Variants in FAT2 observed in about 807,000 individuals in gnomAD.
FAT2 encodes the protein FAT atypical cadherin 2.
In FAT2, 150 loss-of-function variants were observed where a neutral mutation model predicts 295.3. The ratio of observed to expected loss-of-function variants is 0.51; its 90% CI spans 0.44 to 0.58. FAT2 has a LOEUF of 0.58. Ranked by LOEUF, FAT2 falls within the 20% of genes least tolerant of loss-of-function variation. The pLI is 0.00. For synonymous variants in FAT2, 2,026 were observed against 2,150.3 expected, an observed-to-expected ratio of 0.94 and a Z score of 1.60; for missense variants, 4,868 against 5,442.7, an observed-to-expected ratio of 0.89 and a Z score of 3.32.
chr5:151,551,976 G>GGGGTGTGTGT (rs1554131128), intron 6 of FAT2, among the ~76,000 whole-genome samples: 36 of 143,648 alleles, frequency 2.5e-4, no homozygotes, highest in East Asian at 1.4e-3. Flanking sequence ...TAACCCTAAG[G>GGGGTGTGTGT]GTGTGTGTGT....
intron 9 of FAT2, among the ~76,000 whole-genome samples, chr5:151,547,014 A>G (rs751369236): frequency 6.6e-6 from 1 of 152,108 alleles, no homozygotes; most frequent in Admixed American, 6.5e-5. Context: ...AATTTTTTCA[A>G]TATCCATCCA....
chr5:151,574,020 C>T (rs929108364), intron 1 of FAT2, among the ~76,000 whole-genome samples: 10 of 152,144 alleles, frequency 6.6e-5, no homozygotes, highest in African/African-American at 1.9e-4. Flanking sequence ...CCAACTCATA[C>T]GGGCATGGTT....
chr5:151,557,912 C>T (rs1436159783), intron 3 of FAT2, among the ~76,000 whole-genome samples: 2 of 152,208 alleles, frequency 1.3e-5, no homozygotes, highest in Non-Finnish European at 2.9e-5. Flanking sequence ...TCCTATGGCC[C>T]TGCCAACCCC....
At chr5:151,581,531 G>T (rs375686380) in intron 1 of FAT2, among the ~76,000 whole-genome samples, 22 of 152,216 alleles carry the variant, frequency 1.4e-4, no homozygotes, top group African/African-American at 5.1e-4. Flanking sequence ...TTGCAGAGGC[G>T]CATGCAGCTG....
chr5:151,519,559 T>C (rs552869961), intron 19 of FAT2, among the ~76,000 whole-genome samples: 3 of 152,288 alleles, frequency 2.0e-5, no homozygotes, highest in Admixed American at 6.5e-5. Flanking sequence ...CGTGGAAATA[T>C]GTATTTTAAA....
chr5:151,512,446 G>A lies in FAT2; in HGVS notation c.11624C>T (p.Ser3875Phe). The A allele has an allele frequency of 6.2e-7, 1 of 1,614,250 alleles. No individual in the cohort carries two copies. The highest frequency in any genetic ancestry group is 8.5e-7 in the Non-Finnish European group (1 of 1,180,048). The change falls in exon 21 of 24, where the codon TCC (serine) becomes TTC (phenylalanine). Residue 3875 changes from serine to phenylalanine, a missense_variant. Transcript: ENST00000261800. This position sits in a 1 kb window ranked among gnomAD's most constrained non-coding sequence, Gnocchi z 4.1. ...RLMVDSMGNT[S>F]LVVPENCRGL... ...ACGGCAGTTCTCTGGGACCACAAGG[G>A]AGGTGTTGCCCATGCTGTCAACCAT...
chr5:151,574,947 A>T (rs1387064578), intron 1 of FAT2, among the ~76,000 whole-genome samples: 1 of 152,232 alleles, frequency 6.6e-6, no homozygotes, highest in Non-Finnish European at 1.5e-5. Flanking sequence ...TGTAAAATGG[A>T]GATAATAATA....
At chr5:151,521,211 T>C (rs1054015753) in intron 19 of FAT2, 65 bp downstream of exon 19, 3 of 1,496,702 alleles carry the variant, frequency 2.0e-6, no homozygotes, top group Non-Finnish European at 2.7e-6. Flanking sequence ...GGAATCTCCA[T>C]GCTTAGAGTC....
In FAT2 at chr5:151,569,685, A is replaced by G. The variant is rs539885950; in HGVS notation, c.-20-734T>C. ...TGAACTCTTACTCTTTTTTCCCAAA[A>G]ACTTTCTGTGACTCCTTGGGCGATG... On this transcript the variant is annotated intron_variant, in intron 1 of 23. Coordinates refer to ENST00000261800, the MANE Select transcript of FAT2 (RefSeq NM_001447.3). Among the ~76,000 whole-genome samples the G allele has an allele frequency of 5.3e-3, 801 of 152,288 alleles. 2 individuals are homozygous for G. The highest frequency in any genetic ancestry group is 8.1e-3 in the Non-Finnish European group (552 of 68,002).
intron 13 of FAT2, among the ~76,000 whole-genome samples, chr5:151,533,819 C>T (rs1299951116): frequency 6.6e-6 from 1 of 151,654 alleles, no homozygotes; most frequent in Non-Finnish European, 1.5e-5. Flanking sequence ...TATGTATATA[C>T]AATCAGAATA....
Position 151,512,186 on chromosome 5 carries a change from A to T in FAT2, c.11884T>A (p.Cys3962Ser), listed in dbSNP as rs1761376182. The T allele has an allele frequency of 6.2e-7, 1 of 1,613,506 alleles. No homozygotes were observed. The highest frequency in any genetic ancestry group is 1.1e-5 in the South Asian group (1 of 91,072). Residue 3962 changes from cysteine (C) to serine (S), a missense_variant, in exon 21 of 24, where the codon TGC becomes AGC. Cys to Ser is a moderately radical substitution (Grantham distance 112, BLOSUM62 -1). This residue lies in a region of FAT2 where 24 missense variants were observed against 53.3 expected (regional missense o/e 0.45). Transcript: ENST00000261800. The surrounding 1 kb of genome is among the most constrained non-coding windows in gnomAD (Gnocchi z 4.1). ...SQNTCLNGGK[C>S]SWTHGAGYVC... ...TCACCTGCCCCATGGGTCCATGAGC[A>T]CTTCCCACCATTGAGGCATGTGTTC...
At chr5:151,565,647 A>AGGG in intron 2 of FAT2, 26 bp downstream of exon 2, 162 of 1,460,512 alleles carry the variant, frequency 1.1e-4, no homozygotes, top group Non-Finnish European at 1.2e-4. Flanking sequence ...TGGCCCTGGC[A>AGGG]CCCCACCCTA....
chr5:151,521,920 C>T lies in FAT2; in HGVS notation c.10673G>A (p.Arg3558Gln), dbSNP rs137870998. Residue 3558 changes from arginine to glutamine, a missense_variant, in exon 19 of 24, where the codon CGA becomes CAA. Transcript: ENST00000261800. ...ATAGGTCAGCGTGTCCTGGGGGTCT[C>T]GGTCTGTGGCATGGATCTTACCCAC... is the stretch of plus-strand genomic sequence containing the variant. ...GMVGKIHATD[R>Q]DPQDTLTYSL... 95 of 1,613,764 alleles carry T rather than the reference C, an allele frequency of 5.9e-5. No individual in the cohort carries two copies. Among genetic ancestry groups the T allele is most frequent in the Middle Eastern group, 1.6e-4 (1 of 6,082 alleles).
chr5:151,537,510 AAT>A (rs1157938639), intron 12 of FAT2, among the ~76,000 whole-genome samples: 1 of 130,570 alleles, frequency 7.7e-6, no homozygotes, highest in Admixed American at 9.6e-5. Context: ...ATTTTAAAAG[AAT>A]AAAATAAATC....
At position 151,523,309 on chromosome 5, in the gene FAT2, G is replaced by A. The variant is rs565376162; in HGVS notation, c.10507-1223C>T. Among the ~76,000 whole-genome samples, 88 of 152,226 alleles carry A rather than the reference G, an allele frequency of 5.8e-4. 2 individuals are homozygous for A. The Middle Eastern group carries it at 0.017, about 29-fold the overall frequency. ...ATAATACATAGCTAACATTAACTGA[G>A]TACAATGCTAGTCATTATCATAGAT... On this transcript the variant is annotated intron_variant, in intron 18 of 23. Coordinates refer to ENST00000261800, the MANE Select transcript of FAT2 (RefSeq NM_001447.3).
chr5:151,584,503 A>G (rs1018833826), intron 1 of FAT2, among the ~76,000 whole-genome samples: 10 of 152,330 alleles, frequency 6.6e-5, no homozygotes, highest in African/African-American at 2.4e-4. Flanking sequence ...TCATACCGCT[A>G]GCAAGTGGCC....
chr5:151,563,812 A>G (rs1298206172), intron 2 of FAT2, among the ~76,000 whole-genome samples, 173 bp from the exon 3 acceptor site: 1 of 152,222 alleles, frequency 6.6e-6, no homozygotes, highest in Non-Finnish European at 1.5e-5. Flanking sequence ...GCTGAGTTGA[A>G]CACAGGGGAA....
chr5:151,543,861 A>G lies in FAT2; in HGVS notation c.7266T>C (p.Asn2422=), dbSNP rs774723891. 6.2e-7 allele frequency: 1 copy of G among 1,614,172 alleles called. No homozygotes were observed. Residue 2422 remains asparagine, a synonymous_variant, in exon 10 of 24, where the codon AAT becomes AAC. Transcript: ENST00000261800. ...TGTTAATGAAGAAGTGCCTGTCCTG[A>G]TTGCCAGAAAGAATCAGGTACTCCA... The part of the protein sequence containing the change: ...SRLEYLILSG[N]QDRHFFINSS...
intron 19 of FAT2, among the ~76,000 whole-genome samples, chr5:151,520,214 C>T (rs72798343): frequency 0.13 from 20,301 of 152,244 alleles, 1,753 homozygotes; most frequent in Non-Finnish European, 0.18. Context: ...CAGGCAGGAG[C>T]GCTGGTGAGC....
Sources: gnomAD v4.1 joint callset for allele counts (sites outside exome capture counted in the v4.1 genomes callset) on GRCh38, gnomAD v4.1.1 for gene constraint, gnomAD v4.1.1 regional missense constraint, Gnocchi (gnomAD v3.1) non-coding constraint, MANE v1.5 for transcripts, NCBI Gene and HGNC (gene_info 2026-07-23, HGNC 2026-07-21) for gene names.